The following BRMS1L variants were observed in gnomAD, a reference collection of about 807,000 sequenced individuals.
BRMS1L encodes breast cancer metastasis-suppressor 1-like protein.
A neutral mutation model predicts 50.3 loss-of-function variants in BRMS1L; 23 were observed. The ratio of observed to expected loss-of-function variants is 0.46; its 90% CI spans 0.33 to 0.65. BRMS1L has a LOEUF of 0.65. Ranked by LOEUF, BRMS1L falls within the 30% of genes least tolerant of loss-of-function variation. The pLI, the probability that BRMS1L is intolerant of heterozygous loss-of-function variation, is 0.02. For missense variants in BRMS1L, 286 were observed against 386.1 expected, an observed-to-expected ratio of 0.74 and a Z score of 2.17; for synonymous variants, 114 against 126.9, an observed-to-expected ratio of 0.90 and a Z score of 0.69.
chr14:35,827,224 A>G (rs2077858671), intron 1 of BRMS1L, among the ~76,000 whole-genome samples: 1 of 152,176 alleles, frequency 6.6e-6, no homozygotes, highest in Admixed American at 6.5e-5. Flanking sequence ...TTGGATCTTC[A>G]TATGCTTATA....
intron 4 of BRMS1L, among the ~76,000 whole-genome samples, chr14:35,840,152 G>A (rs965584622): frequency 6.6e-6 from 1 of 152,154 alleles, no homozygotes; most frequent in Non-Finnish European, 1.5e-5. Context: ...CATTGGTCCT[G>A]TTTATGTGAT....
At chr14:35,863,559 T>C (rs927389314) in intron 5 of BRMS1L, among the ~76,000 whole-genome samples, 2 of 152,212 alleles carry the variant, frequency 1.3e-5, no homozygotes, top group African/African-American at 4.8e-5. Context: ...TAAGAATACC[T>C]ACCTCAGTGG....
intron 9 of BRMS1L, among the ~76,000 whole-genome samples, chr14:35,869,039 A>G (rs1279509396): frequency 6.6e-6 from 1 of 152,172 alleles, no homozygotes; most frequent in Non-Finnish European, 1.5e-5. Context: ...AAATAAAACA[A>G]CTTGAGTTTA....
intron 4 of BRMS1L, among the ~76,000 whole-genome samples, chr14:35,855,971 C>T (rs562802686): frequency 1.3e-5 from 2 of 152,278 alleles, no homozygotes; most frequent in South Asian, 2.1e-4. Flanking sequence ...TCTTTCTACC[C>T]ATTCATGCAG....
chr14:35,856,735 C>G (rs1273267648), intron 4 of BRMS1L, among the ~76,000 whole-genome samples: 1 of 151,946 alleles, frequency 6.6e-6, no homozygotes, highest in Non-Finnish European at 1.5e-5. Flanking sequence ...CCTCAACGTC[C>G]TGAGTAGCTG....
At chr14:35,862,444 G>T in intron 4 of BRMS1L, 146 bp from the exon 5 acceptor site, 2 of 358,844 alleles carry the variant, frequency 5.6e-6, no homozygotes, top group Non-Finnish European at 1.0e-5. Context: ...TCATGTATTT[G>T]ACATTTCTTC....
chr14:35,830,644 C>T (rs2077907414), intron 1 of BRMS1L, among the ~76,000 whole-genome samples: 1 of 152,150 alleles, frequency 6.6e-6, no homozygotes, highest in African/African-American at 2.4e-5. Context: ...AGGCATGAGC[C>T]ACCACACCCG....
At chr14:35,839,175 G>A (rs1445693748) in intron 4 of BRMS1L, among the ~76,000 whole-genome samples, 1 of 152,124 alleles carries the variant, frequency 6.6e-6, no homozygotes, top group African/African-American at 2.4e-5. Flanking sequence ...AAGATCAGAT[G>A]GTTGTAGGTG....
At chr14:35,868,926 A>G (rs1247030045) in intron 9 of BRMS1L, among the ~76,000 whole-genome samples, 2 of 152,194 alleles carry the variant, frequency 1.3e-5, no homozygotes, top group African/African-American at 4.8e-5. Flanking sequence ...TGACCTTTTG[A>G]AAATATTGTT....
Position 35,833,112 on chromosome 14 carries a change from A to T in BRMS1L, c.361+7A>T, listed in dbSNP as rs758942324. 2 of 1,608,032 alleles carry T rather than the reference A, an allele frequency of 1.2e-6. No homozygotes were observed. Among genetic ancestry groups the T allele is most frequent in the South Asian group, 2.2e-5 (2 of 90,328 alleles). On this transcript the variant is annotated splice_region_variant and intron_variant, in intron 3 of 9. Coordinates refer to ENST00000216807, the MANE Select transcript of BRMS1L (RefSeq NM_032352.4). ...ATTCGTACAAAGGTAGCAGGTAGGA[A>T]AGTGAAGAATCTTTTCCATATATAG... is the stretch of plus-strand genomic sequence containing the variant.
Position 35,870,458 on chromosome 14 carries a change from A to G in BRMS1L, c.953A>G (p.Tyr318Cys). ...LYISQLQKGK[Y>C]SIKHS ...ATTTCACAGCTACAGAAAGGAAAAT[A>G]TTCAATTAAACATTCATAATCATGA... Residue 318 changes from tyrosine (Y) to cysteine (C), a missense_variant, in exon 10 of 10, where the codon TAT (tyrosine) becomes TGT (cysteine). Tyr to Cys is a radical substitution (Grantham distance 194). Transcript: ENST00000216807. 6.3e-7 allele frequency: 1 copy of G among 1,599,760 alleles called. No individual in the cohort carries two copies. Among genetic ancestry groups the G allele is most frequent in the Non-Finnish European group, 8.5e-7 (1 of 1,169,866 alleles).
chr14:35,855,889 T>A (rs560714415), intron 4 of BRMS1L, among the ~76,000 whole-genome samples: 3 of 152,350 alleles, frequency 2.0e-5, no homozygotes, highest in African/African-American at 7.2e-5. Flanking sequence ...TAACTGAGGC[T>A]AATAGATGTT....
At chr14:35,859,570 G>A (rs1320651335) in intron 4 of BRMS1L, among the ~76,000 whole-genome samples, 4 of 152,190 alleles carry the variant, frequency 2.6e-5, no homozygotes, top group Non-Finnish European at 4.4e-5. Flanking sequence ...GGGATTGTGA[G>A]ATGATGTGCT....
At chr14:35,864,286 G>A (rs1168504392) in intron 6 of BRMS1L, among the ~76,000 whole-genome samples, 1 of 152,002 alleles carries the variant, frequency 6.6e-6, no homozygotes, top group African/African-American at 2.4e-5. Context: ...TTTTGAGACA[G>A]GGTCTCACTG....
intron 4 of BRMS1L, among the ~76,000 whole-genome samples, chr14:35,837,682 C>T (rs1456759059): frequency 6.6e-6 from 1 of 152,058 alleles, no homozygotes; most frequent in African/African-American, 2.4e-5. Context: ...TCCCAAGCAG[C>T]TGGGACTAGG....
intron 7 of BRMS1L, 99 bp downstream of exon 7, chr14:35,865,098 A>T (rs1208441392): frequency 4.5e-6 from 4 of 887,056 alleles, no homozygotes; most frequent in Non-Finnish European, 6.7e-6. Context: ...TATTGTAAAT[A>T]TGCTTTGCTT....
intron 4 of BRMS1L, among the ~76,000 whole-genome samples, chr14:35,839,698 T>A (rs947089025): frequency 6.6e-6 from 1 of 152,218 alleles, no homozygotes; most frequent in Non-Finnish European, 1.5e-5. Context: ...ATAGGAATGC[T>A]TGTGATTTTT....
Position 35,871,678 on chromosome 14 carries a change from G to A in BRMS1L, c.*1201G>A, listed in dbSNP as rs1285294329. 3 of 152,648 alleles carry A rather than the reference G, an allele frequency of 2.0e-5. No individual in the cohort carries two copies. The highest frequency in any genetic ancestry group is 4.4e-5 in the Non-Finnish European group (3 of 68,032). 9.5% of individuals were successfully genotyped at this position (152,648 alleles called of 1,614,324 possible). A position where few individuals can be genotyped will look rare whatever the true frequency, so the allele number is the denominator to read the frequency against. ...ACTTATTAACACTTACTGCAGAAAT[G>A]TCTGCATTATTCCGTTTGTTTTCTT... On this transcript the variant is annotated 3_prime_UTR_variant, in exon 10 of 10. Transcript: ENST00000216807.
chr14:35,827,584 A>G (rs1166793305), intron 1 of BRMS1L, among the ~76,000 whole-genome samples: 1 of 152,244 alleles, frequency 6.6e-6, no homozygotes, highest in Non-Finnish European at 1.5e-5. Flanking sequence ...ATGGAAGGAT[A>G]TAATTTCAAT....
Sources: gnomAD v4.1 joint callset for allele counts (sites outside exome capture counted in the v4.1 genomes callset) on GRCh38, gnomAD v4.1.1 for gene constraint, MANE v1.5 for transcripts, NCBI Gene and HGNC (gene_info 2026-07-23, HGNC 2026-07-21) for gene names.